The following TNIK variants were observed in gnomAD, a reference collection of about 807,000 sequenced individuals.
The protein encoded by TNIK is TRAF2 and NCK interacting kinase.
TNIK carries 49 observed loss-of-function variants against 191.3 expected under a neutral mutation model. The ratio of observed to expected loss-of-function variants is 0.26; its 90% confidence interval spans 0.20 to 0.32. TNIK has a LOEUF of 0.32. Among genes scored for constraint, TNIK ranks in the 10% least tolerant of loss-of-function variants. The pLI is 1.00. For synonymous variants in TNIK, 594 were observed against 600.9 expected, an observed-to-expected ratio of 0.99 and a Z score of 0.17; for missense variants, 1,155 against 1,702.3, an observed-to-expected ratio of 0.68 and a Z score of 5.66.
chr3:171,312,899 T>A (rs1306714048), intron 2 of TNIK, among the ~76,000 whole-genome samples: 2 of 152,140 alleles, frequency 1.3e-5, no homozygotes, highest in Non-Finnish European at 2.9e-5. Context: ...TGGCAATTAC[T>A]GATGCTTAAA....
At chr3:171,204,504 G>C in intron 4 of TNIK, among the ~76,000 whole-genome samples, 1 of 152,126 alleles carries the variant, frequency 6.6e-6, no homozygotes, top group East Asian at 1.9e-4. Context: ...GTTGCTTTAG[G>C]CCATGCCTCT....
chr3:171,170,701 T>C (rs1357091339), intron 9 of TNIK, among the ~76,000 whole-genome samples: 1 of 152,202 alleles, frequency 6.6e-6, no homozygotes, highest in Admixed American at 6.5e-5. Flanking sequence ...CAGCAATCTC[T>C]GAGCATCATT....
intron 2 of TNIK, among the ~76,000 whole-genome samples, chr3:171,268,502 T>C (rs1056256514): frequency 2.6e-5 from 4 of 152,138 alleles, no homozygotes; most frequent in African/African-American, 9.7e-5. Context: ...AATTGAACCC[T>C]GTTCTATACT....
At chr3:171,111,079 A>G (rs77420537) in intron 18 of TNIK, among the ~76,000 whole-genome samples, 3,609 of 152,294 alleles carry the variant, frequency 0.024, 154 homozygotes, top group African/African-American at 0.083. Flanking sequence ...AGCCAATAGG[A>G]ATATGAAAAA....
intron 2 of TNIK, among the ~76,000 whole-genome samples, chr3:171,301,920 AC>A (rs763035485): frequency 9.2e-5 from 14 of 151,946 alleles, no homozygotes; most frequent in Non-Finnish European, 1.2e-4. Context: ...TCTGCAACTT[AC>A]TTTCAAATGG....
chr3:171,060,986 A>T lies in TNIK; in HGVS notation c.*2895T>A, dbSNP rs943017772. Among the ~76,000 whole-genome samples, 3 of 152,150 alleles carry T rather than the reference A, an allele frequency of 2.0e-5. No individual in the cohort carries two copies. The highest frequency in any genetic ancestry group is 6.5e-5 in the Admixed American group (1 of 15,272). On this transcript the variant is annotated 3_prime_UTR_variant, in exon 33 of 33. Transcript: ENST00000436636. The stretch of plus-strand genomic sequence containing the variant: ...AAATAAAATGAGCCAATTTCTAGAG[A>T]CAAAATCACCTATAAAAAGATCAGA...
chr3:171,329,509 T>C (rs1221278654), intron 2 of TNIK, among the ~76,000 whole-genome samples: 2 of 152,196 alleles, frequency 1.3e-5, no homozygotes, highest in Admixed American at 1.3e-4. Context: ...TTCCCTCACA[T>C]ATAAAATGAG....
intron 21 of TNIK, among the ~76,000 whole-genome samples, chr3:171,104,956 C>T (rs1000414482): frequency 1.3e-5 from 2 of 152,028 alleles, no homozygotes; most frequent in African/African-American, 4.8e-5. Context: ...TTTAATTGTG[C>T]CAACAGAGAA....
At chr3:171,176,881 G>A (rs1452203881) in intron 8 of TNIK, among the ~76,000 whole-genome samples, 2 of 152,218 alleles carry the variant, frequency 1.3e-5, no homozygotes, top group Admixed American at 6.5e-5. Flanking sequence ...AAATAGCAGG[G>A]AAATCTAAAA....
intron 30 of TNIK, among the ~76,000 whole-genome samples, chr3:171,067,276 G>GA (rs937113434): frequency 8.6e-5 from 13 of 150,308 alleles, no homozygotes; most frequent in Middle Eastern, 3.2e-3. Flanking sequence ...AATAATCTGT[G>GA]AAAAAAAAAT....
At chr3:171,262,638 C>G (rs1223594479) in intron 2 of TNIK, among the ~76,000 whole-genome samples, 1 of 152,154 alleles carries the variant, frequency 6.6e-6, no homozygotes, top group East Asian at 1.9e-4. Context: ...CTGTGGAAAG[C>G]AGTTGTATTA....
intron 2 of TNIK, among the ~76,000 whole-genome samples, chr3:171,278,238 A>G (rs1459220400): frequency 2.0e-5 from 3 of 152,216 alleles, no homozygotes; most frequent in Non-Finnish European, 4.4e-5. Flanking sequence ...AAAGTCTGTC[A>G]TGAGACTAGA....
At chr3:171,346,970 G>T in intron 2 of TNIK, 2 of 581,210 alleles carry the variant, frequency 3.4e-6, no homozygotes, top group East Asian at 2.9e-5. Context: ...TTTACTGGCT[G>T]CACAGTAGGA....
chr3:171,122,273 A>G (rs1727858252), intron 18 of TNIK, among the ~76,000 whole-genome samples: 1 of 152,248 alleles, frequency 6.6e-6, no homozygotes, highest in Non-Finnish European at 1.5e-5. Flanking sequence ...GGCAGGGTTC[A>G]AAGGAAGCAG....
intron 2 of TNIK, among the ~76,000 whole-genome samples, chr3:171,259,110 G>C (rs1420309393): frequency 6.6e-6 from 1 of 152,128 alleles, no homozygotes; most frequent in Non-Finnish European, 1.5e-5. Flanking sequence ...GAGAGAGAGA[G>C]AGCATGCACA....
chr3:171,137,203 T>C (rs541760958), intron 15 of TNIK, among the ~76,000 whole-genome samples: 32 of 145,590 alleles, frequency 2.2e-4, no homozygotes, highest in African/African-American at 8.1e-4. Context: ...TCTGTACATA[T>C]GTCAGATAGG....
At chr3:171,333,167 A>AGTGT (rs752280366) in intron 2 of TNIK, among the ~76,000 whole-genome samples, 15 of 151,420 alleles carry the variant, frequency 9.9e-5, no homozygotes, top group Admixed American at 6.6e-4. Context: ...GGTGGGAGGG[A>AGTGT]GTGTGTGTGT....
chr3:171,085,869 C>T lies in TNIK; in HGVS notation c.2887-640G>A, dbSNP rs61791152. Among the ~76,000 whole-genome samples the T allele has an allele frequency of 4.0e-4, 61 of 152,166 alleles. 1 individual carries two copies. The East Asian group carries it at 9.9e-3, about 25-fold the overall frequency. On this transcript the variant is annotated intron_variant, in intron 24 of 32. Coordinates refer to ENST00000436636, the MANE Select transcript of TNIK (RefSeq NM_015028.4). ...ATTTAGGGACTTCATGAGGATATTA[C>T]GTTTGTGAGCAATGTACCTTGAAGG...
At chr3:171,271,366 G>A (rs566618359) in intron 2 of TNIK, among the ~76,000 whole-genome samples, 8 of 151,854 alleles carry the variant, frequency 5.3e-5, no homozygotes, top group East Asian at 1.9e-4. Context: ...GCCTGGTACC[G>A]AGACTCATTT....
Sources: gnomAD v4.1 joint callset for allele counts (sites outside exome capture counted in the v4.1 genomes callset) on GRCh38, gnomAD v4.1.1 for gene constraint, MANE v1.5 for transcripts, NCBI Gene and HGNC (gene_info 2026-07-23, HGNC 2026-07-21) for gene names.